The following POLK variants were observed in gnomAD, a reference collection of about 807,000 sequenced individuals.
The protein encoded by POLK is polymerase (DNA directed) kappa.
POLK carries 76 observed loss-of-function variants against 94.0 expected under a neutral mutation model. The ratio of observed to expected loss-of-function variants is 0.81; its 90% CI spans 0.67 to 0.98. POLK has a LOEUF of 0.98. POLK is among the 50% of genes least tolerant of loss of function. The pLI, the probability that POLK is intolerant of heterozygous loss-of-function variation, is 0.00. For missense variants in POLK, 954 were observed against 1,010.1 expected (o/e 0.94, Z 0.75); for synonymous variants, 349 against 325.4 (o/e 1.07, Z -0.78).
chr5:75,603,002 A>G (rs1326818110), downstream of POLK, among the ~76,000 whole-genome samples: 1 of 152,232 alleles, frequency 6.6e-6, no homozygotes, highest in East Asian at 1.9e-4. Context: ...AACATGGGTA[A>G]TGGAAGCCAT....
At chr5:75,524,326 T>G (rs762070495) in intron 1 of POLK, among the ~76,000 whole-genome samples, 1 of 152,122 alleles carries the variant, frequency 6.6e-6, no homozygotes, top group Non-Finnish European at 1.5e-5. Context: ...TAAATACTTG[T>G]GGGTTGAATG....
chr5:75,576,939 C>T lies in POLK; in HGVS notation c.694+6C>T, dbSNP rs1335603870. On this transcript the variant is annotated splice_donor_region_variant and intron_variant, in intron 6 of 14. Transcript: ENST00000241436. ...GGGAAGCTCTGTAGAAAATGGTAAG[C>T]AACTTATTAAGACTATCAAACCAAG... 2 of 1,495,646 alleles carry T rather than the reference C, an allele frequency of 1.3e-6. No individual in the cohort carries two copies. Among genetic ancestry groups the T allele is most frequent in the South Asian group, 2.8e-5 (2 of 72,310 alleles). 92.6% of individuals were successfully genotyped at this position (1,495,646 alleles called of 1,614,324 possible).
At chr5:75,574,329 A>C (rs1259782428) in intron 5 of POLK, among the ~76,000 whole-genome samples, 1 of 152,160 alleles carries the variant, frequency 6.6e-6, no homozygotes. Context: ...TACTTGCCCC[A>C]TAATCATTTG....
At chr5:75,592,011 A>G (rs1388693270) in intron 11 of POLK, among the ~76,000 whole-genome samples, 1 of 152,242 alleles carries the variant, frequency 6.6e-6, no homozygotes, top group Admixed American at 6.5e-5. Flanking sequence ...CAGTAAATCT[A>G]ACTACCCTCA....
intron 12 of POLK, 93 bp from the exon 13 acceptor site, chr5:75,596,129 G>T (rs998332746): frequency 1.4e-6 from 1 of 707,306 alleles, no homozygotes; most frequent in Middle Eastern, 2.5e-4. Context: ...CCAACCTTTT[G>T]TATATGTCAT....
At chr5:75,604,476 A>G (rs1192538675), downstream of POLK, among the ~76,000 whole-genome samples, 3 of 152,188 alleles carry the variant, frequency 2.0e-5, no homozygotes, top group African/African-American at 7.2e-5. Flanking sequence ...TCTTGGGATC[A>G]AGATCCTCTC....
chr5:75,556,883 G>A (rs1770650777), intron 3 of POLK, among the ~76,000 whole-genome samples: 2 of 152,170 alleles, frequency 1.3e-5, no homozygotes, highest in South Asian at 2.1e-4. Context: ...GCAACATAGC[G>A]AGACCCTGCT....
At chr5:75,531,496 A>T (rs917340996) in intron 1 of POLK, among the ~76,000 whole-genome samples, 8 of 152,022 alleles carry the variant, frequency 5.3e-5, no homozygotes, top group Non-Finnish European at 1.2e-4. Flanking sequence ...TCCATATGAG[A>T]TAATTATAAA....
intron 9 of POLK, 77 bp from the exon 10 acceptor site, chr5:75,586,949 G>T: frequency 1.0e-6 from 1 of 981,718 alleles, no homozygotes; most frequent in South Asian, 1.5e-5. Context: ...AAAGGTAATT[G>T]ATAATGTTAA....
intron 1 of POLK, among the ~76,000 whole-genome samples, chr5:75,520,727 A>G (rs753563667): frequency 1.3e-5 from 2 of 152,054 alleles, no homozygotes; most frequent in Admixed American, 1.3e-4. Flanking sequence ...TATACCTTTA[A>G]ATGTTTTCTT....
Position 75,583,218 on chromosome 5 carries a change from T to C in POLK, c.935-75T>C, listed in dbSNP as rs371684971. ...AGATTTTTTGCAATTAACTTTTTTT[T>C]TCTGTTTTGTTATTGCATATTTAAA... On this transcript the variant is annotated intron_variant, in intron 7 of 14. Coordinates refer to ENST00000241436, the Ensembl canonical transcript of POLK. 6.2e-5 allele frequency: 70 copies of C among 1,122,822 alleles called. No individual in the cohort carries two copies. In the African/African-American group the frequency reaches 8.6e-4, roughly 14 times the overall value. 69.6% of individuals were successfully genotyped at this position (1,122,822 alleles called of 1,614,324 possible). A position where few individuals can be genotyped will look rare whatever the true frequency, so the allele number is the denominator to read the frequency against.
At chr5:75,603,359 T>C (rs372101220), downstream of POLK, among the ~76,000 whole-genome samples, 158 of 151,836 alleles carry the variant, frequency 1.0e-3, 1 homozygote, top group African/African-American at 3.7e-3. Flanking sequence ...TTTTCCCTGC[T>C]CTAAACCATC....
chr5:75,548,206 G>GCTA (rs1256541525), intron 2 of POLK, among the ~76,000 whole-genome samples: 1 of 152,170 alleles, frequency 6.6e-6, no homozygotes, highest in Non-Finnish European at 1.5e-5. Context: ...ATAGGCATGA[G>GCTA]CTACTGTGCC....
chr5:75,563,832 A>G (rs1771121535), intron 3 of POLK, among the ~76,000 whole-genome samples: 2 of 152,158 alleles, frequency 1.3e-5, no homozygotes, highest in Admixed American at 6.5e-5. Flanking sequence ...TCAATTTTAG[A>G]ATAATTGCGA....
intron 1 of POLK, among the ~76,000 whole-genome samples, chr5:75,539,842 A>G (rs911631665): frequency 6.6e-6 from 1 of 152,230 alleles, no homozygotes; most frequent in Non-Finnish European, 1.5e-5. Flanking sequence ...TTACCCATTT[A>G]TTCTTTTAAA....
chr5:75,583,408 C>T lies in POLK; in HGVS notation c.1050C>T (p.Pro350=), dbSNP rs968676923. 5.6e-6 allele frequency: 9 copies of T among 1,595,570 alleles called. No individual in the cohort carries two copies. In the African/African-American group the frequency reaches 1.1e-4, roughly 19 times the overall value. Residue 350 remains proline (P), a synonymous_variant, in exon 8 of 15, where the codon CCC becomes CCT. Transcript: ENST00000241436. ...TGATGGACTTCATCAAGGATTTACCCATTAGAAAGGTAAGATTTTTACATA... is the reference window on the plus strand; with the variant it reads ...TGATGGACTTCATCAAGGATTTACCTATTAGAAAGGTAAGATTTTTACATA...
chr5:75,558,375 AGTATGTTTTT>A (rs1770755143), intron 3 of POLK, among the ~76,000 whole-genome samples: 5 of 152,202 alleles, frequency 3.3e-5, no homozygotes, highest in Middle Eastern at 3.4e-3. Context: ...TAAAGTGTGA[AGTATGTTTTT>A]CTTAAATGGT....
chr5:75,542,612 T>C (rs1035684403), intron 1 of POLK, among the ~76,000 whole-genome samples: 14 of 150,530 alleles, frequency 9.3e-5, no homozygotes, highest in Middle Eastern at 3.5e-3. Flanking sequence ...TATACACATA[T>C]ACACATATAT....
intron 2 of POLK, 59 bp from the exon 3 acceptor site, chr5:75,552,413 C>T (rs1580999531): frequency 6.4e-7 from 1 of 1,551,884 alleles, no homozygotes; most frequent in East Asian, 2.3e-5. Flanking sequence ...CCAGGTTATA[C>T]TACAGTGATG....
Sources: allele counts gnomAD v4.1 joint callset (sites outside exome capture counted in the v4.1 genomes callset), GRCh38; gene constraint gnomAD v4.1.1; transcripts MANE v1.5; gene names NCBI Gene and HGNC (gene_info 2026-07-23, HGNC 2026-07-21).